The following CCDC171 variants were observed in gnomAD, a reference collection of about 807,000 sequenced individuals.
CCDC171 encodes coiled-coil domain-containing protein 171.
CCDC171 carries 177 observed loss-of-function variants against 168.2 expected under a neutral mutation model. The observed-to-expected ratio is 1.05, with a 90% CI of 0.93 to 1.19. CCDC171 has a LOEUF of 1.19. Ranked by LOEUF, CCDC171 falls within the 50% of genes most tolerant of loss-of-function variation. The pLI is 0.00. For missense variants in CCDC171, 1,991 were observed against 1,539.0 expected (o/e 1.29, Z -4.91); for synonymous variants, 687 against 540.8 (o/e 1.27, Z -3.75).
At chr9:16,103,862 T>C in the CCDC171 span, among the ~76,000 whole-genome samples, 10 of 152,118 alleles carry the variant, frequency 6.6e-5, no homozygotes, top group Non-Finnish European at 1.3e-4. Context: ...TCAGAGAAAT[T>C]TGGGGACGTG....
At chr9:15,790,342 G>T (rs1324061101) in intron 21 of CCDC171, among the ~76,000 whole-genome samples, 1 of 152,070 alleles carries the variant, frequency 6.6e-6, no homozygotes, top group Non-Finnish European at 1.5e-5. Flanking sequence ...TTCTCTAATG[G>T]CCAGTGATGA....
intron 7 of CCDC171, among the ~76,000 whole-genome samples, chr9:15,641,096 G>T (rs555386527): frequency 1.3e-5 from 2 of 152,052 alleles, no homozygotes; most frequent in Non-Finnish European, 2.9e-5. Flanking sequence ...TTTGTAGATG[G>T]ATTATTACTA....
At chr9:15,905,738 G>T (rs1189396294) in intron 24 of CCDC171, among the ~76,000 whole-genome samples, 2 of 152,222 alleles carry the variant, frequency 1.3e-5, no homozygotes, top group South Asian at 4.1e-4. Flanking sequence ...CCAGGAGCTG[G>T]TTTTTTGAAA....
chr9:15,599,394 T>C (rs946287049), intron 6 of CCDC171, among the ~76,000 whole-genome samples: 5 of 152,162 alleles, frequency 3.3e-5, no homozygotes, highest in Non-Finnish European at 7.3e-5. Context: ...ATTTTATTTC[T>C]CCTTCACTTA....
Position 15,678,152 on chromosome 9 carries a change from C to T in CCDC171, c.1077-606C>T, listed in dbSNP as rs530309540. On this transcript the variant is annotated intron_variant, in intron 9 of 25. Transcript: ENST00000380701. The stretch of plus-strand genomic sequence containing the variant: ...TCTTAAACTCCTGACTTCAAATGAT[C>T]TTCCTGCTATGGACTGCCAAAGTGC... Among the ~76,000 whole-genome samples, 4 of 151,592 alleles carry T rather than the reference C, an allele frequency of 2.6e-5. No individual in the cohort carries two copies. In the East Asian group the frequency reaches 7.8e-4, roughly 30 times the overall value.
At chr9:15,892,122 A>G (rs1165617523) in intron 24 of CCDC171, among the ~76,000 whole-genome samples, 1 of 152,198 alleles carries the variant, frequency 6.6e-6, no homozygotes, top group Non-Finnish European at 1.5e-5. Flanking sequence ...AATGTGAATC[A>G]GATATAGGAT....
the CCDC171 span, among the ~76,000 whole-genome samples, chr9:16,085,849 G>A: frequency 1.3e-5 from 2 of 152,212 alleles, no homozygotes; most frequent in African/African-American, 4.8e-5. Context: ...ACATGAATGG[G>A]AGTGAGAAGG....
At chr9:15,971,564 G>C (rs1831356577) in intron 25 of CCDC171, 45 bp from the exon 26 acceptor site, 1 of 1,391,912 alleles carries the variant, frequency 7.2e-7, no homozygotes, top group East Asian at 2.3e-5. Context: ...CTATTTGAGA[G>C]TTTTCAACTC....
chr9:15,914,979 C>A (rs1824291201), intron 24 of CCDC171, among the ~76,000 whole-genome samples: 1 of 152,144 alleles, frequency 6.6e-6, no homozygotes, highest in Non-Finnish European at 1.5e-5. Context: ...GCTGTACCCA[C>A]TGTCTAACCG....
intron 3 of CCDC171, among the ~76,000 whole-genome samples, chr9:15,985,637 T>C (rs1831961755): frequency 1.3e-5 from 2 of 152,204 alleles, no homozygotes; most frequent in Non-Finnish European, 1.5e-5. Context: ...CAACTTTTGG[T>C]ATACTAGAAA....
At chr9:15,628,425 G>T (rs2045359790) in intron 7 of CCDC171, among the ~76,000 whole-genome samples, 2 of 152,176 alleles carry the variant, frequency 1.3e-5, no homozygotes, top group Non-Finnish European at 2.9e-5. Flanking sequence ...CTCGCTTATT[G>T]CTAGCACAGC....
At chr9:16,082,032 C>G in the CCDC171 span, among the ~76,000 whole-genome samples, 285 of 152,162 alleles carry the variant, frequency 1.9e-3, 1 homozygote, top group African/African-American at 6.6e-3. Flanking sequence ...CTAAAAGAAC[C>G]TTTAAAATCC....
intron 24 of CCDC171, among the ~76,000 whole-genome samples, chr9:15,876,657 A>G (rs1315698542): frequency 1.3e-5 from 2 of 152,170 alleles, no homozygotes; most frequent in Non-Finnish European, 2.9e-5. Flanking sequence ...GTAAAAAATT[A>G]TGCATCTATG....
chr9:15,859,414 G>A (rs764278791), intron 23 of CCDC171, among the ~76,000 whole-genome samples: 11 of 151,728 alleles, frequency 7.2e-5, no homozygotes, highest in South Asian at 2.1e-4. Context: ...AATATATTTC[G>A]AAGTTTTCCC....
At chr9:15,906,202 C>G (rs1211035221) in intron 24 of CCDC171, among the ~76,000 whole-genome samples, 1 of 152,168 alleles carries the variant, frequency 6.6e-6, no homozygotes, top group African/African-American at 2.4e-5. Flanking sequence ...ATACCAAAGC[C>G]TGGCAGAGAC....
intron 23 of CCDC171, among the ~76,000 whole-genome samples, chr9:15,861,302 A>T (rs1282158307): frequency 6.6e-6 from 1 of 150,836 alleles, no homozygotes; most frequent in Non-Finnish European, 1.5e-5. Flanking sequence ...AAACCTATTT[A>T]CGTTTGAAGT....
At chr9:15,587,214 C>T (rs1324460898) in intron 4 of CCDC171, among the ~76,000 whole-genome samples, 1 of 152,152 alleles carries the variant, frequency 6.6e-6, no homozygotes, top group Non-Finnish European at 1.5e-5. Context: ...CCTGACCAAG[C>T]TGATATAGTT....
chr9:15,705,364 A>G (rs1363911058), intron 11 of CCDC171, among the ~76,000 whole-genome samples: 2 of 152,200 alleles, frequency 1.3e-5, no homozygotes, highest in Non-Finnish European at 2.9e-5. Context: ...CTTAGAAGCC[A>G]AAATGGTATC....
chr9:15,772,809 G>C (rs1398212346), intron 18 of CCDC171, among the ~76,000 whole-genome samples: 1 of 152,092 alleles, frequency 6.6e-6, no homozygotes, highest in African/African-American at 2.4e-5. Context: ...AGAAGAGTGC[G>C]TCTTAGATAT....
Sources: allele counts gnomAD v4.1 joint callset (sites outside exome capture counted in the v4.1 genomes callset), GRCh38; gene constraint gnomAD v4.1.1; transcripts MANE v1.5; gene names NCBI Gene and HGNC (gene_info 2026-07-23, HGNC 2026-07-21).